Variants in PACRG observed in about 807,000 individuals in gnomAD.
PACRG encodes parkin coregulated gene protein.
Under a neutral mutation model 29.7 loss-of-function variants are expected in PACRG, and 29 were observed. That is an observed-to-expected ratio of 0.98 (90% CI 0.73 to 1.33). PACRG has a LOEUF of 1.33. Ranked by LOEUF, PACRG falls within the 40% of genes most tolerant of loss-of-function variation. PACRG has a pLI of 0.00. For missense variants in PACRG, 279 were observed against 316.2 expected (o/e 0.88, Z 0.89); for synonymous variants, 116 against 118.7 (o/e 0.98, Z 0.15).
intron 4 of PACRG, among the ~76,000 whole-genome samples, chr6:163,257,214 G>A (rs1783147208): frequency 6.6e-6 from 1 of 152,014 alleles, no homozygotes; most frequent in South Asian, 2.1e-4. Flanking sequence ...CGCATCTTTT[G>A]GGGAGACACA....
At position 163,218,495 on chromosome 6, in the gene PACRG, A is replaced by G. The variant is rs79478549; in HGVS notation, c.614-96332A>G. Among the ~76,000 whole-genome samples the G allele has an allele frequency of 4.2e-3, 646 of 152,184 alleles. 1 individual carries two copies. Among genetic ancestry groups the G allele is most frequent in the Non-Finnish European group, 7.3e-3 (497 of 67,996 alleles). On this transcript the variant is annotated intron_variant, in intron 4 of 4. Coordinates refer to ENST00000366888, the MANE Select transcript of PACRG (RefSeq NM_001080379.2). Reference sequence around the variant, plus strand: ...GAGTGCTTTCCATGGCCACGTCCTCAACACTGACCCCGTCCCCTCTGCAAC... The same window carrying G: ...GAGTGCTTTCCATGGCCACGTCCTCGACACTGACCCCGTCCCCTCTGCAAC...
intron 2 of PACRG, among the ~76,000 whole-genome samples, chr6:162,828,529 AG>A (rs1788473894): frequency 6.6e-6 from 1 of 152,202 alleles, no homozygotes; most frequent in Admixed American, 6.5e-5. Context: ...CGAAATTCTC[AG>A]GGCTCATGGA....
At chr6:163,215,918 A>ACTG (rs1293130397) in intron 4 of PACRG, among the ~76,000 whole-genome samples, 1 of 152,178 alleles carries the variant, frequency 6.6e-6, no homozygotes, top group African/African-American at 2.4e-5. Flanking sequence ...AGCAAAAGCG[A>ACTG]TTTCCAGGAA....
intron 3 of PACRG, among the ~76,000 whole-genome samples, chr6:163,072,041 CAA>C (rs34278585): frequency 2.7e-5 from 4 of 150,098 alleles, no homozygotes; most frequent in Non-Finnish European, 4.5e-5. Flanking sequence ...AAACTATTCC[CAA>C]AAAAAAAATA....
chr6:162,970,544 C>T (rs1021173037), intron 2 of PACRG, among the ~76,000 whole-genome samples: 1 of 152,162 alleles, frequency 6.6e-6, no homozygotes, highest in African/African-American at 2.4e-5. Context: ...TCTCTTCCCC[C>T]ACCCACTTTC....
chr6:163,149,356 C>G (rs1437214720), intron 4 of PACRG, among the ~76,000 whole-genome samples: 1 of 152,180 alleles, frequency 6.6e-6, no homozygotes, highest in Non-Finnish European at 1.5e-5. Context: ...GCCCGTCTGC[C>G]CTCCTCGCTC....
chr6:163,132,590 C>A (rs900513679), intron 4 of PACRG, among the ~76,000 whole-genome samples: 1 of 152,144 alleles, frequency 6.6e-6, no homozygotes, highest in African/African-American at 2.4e-5. Context: ...CTGCTTAGAG[C>A]AGAAACACAG....
chr6:162,996,523 A>T (rs541588478), intron 2 of PACRG, among the ~76,000 whole-genome samples: 2 of 152,318 alleles, frequency 1.3e-5, no homozygotes, highest in East Asian at 3.9e-4. Flanking sequence ...ACTGAGAAAA[A>T]TGAAACATTC....
intron 1 of PACRG, among the ~76,000 whole-genome samples, chr6:162,787,277 C>A (rs896829848): frequency 1.3e-5 from 2 of 151,896 alleles, no homozygotes; most frequent in Admixed American, 6.6e-5. Flanking sequence ...AACAATGAGC[C>A]TTTTATGCTT....
In PACRG at chr6:163,062,305, C is replaced by T. The variant is rs1811162690; in HGVS notation, c.447C>T (p.Leu149=). ...GNKILPVLPQ[L]IIPIKNALNL... is the part of the protein sequence containing the mutation. ...AGATCCTACCTGTCCTTCCACAGCT[C>T]ATTATCCCGATAAAAAGTAAGTGAA... Residue 149 remains leucine, a synonymous_variant, in exon 3 of 5, where the codon CTC becomes CTT. Transcript: ENST00000366888. 6.2e-7 allele frequency: 1 copy of T among 1,610,264 alleles called. No homozygotes were observed. Among genetic ancestry groups the T allele is most frequent in the Non-Finnish European group, 8.5e-7 (1 of 1,178,942 alleles).
intron 1 of PACRG, among the ~76,000 whole-genome samples, chr6:162,750,995 A>T (rs1781470613): frequency 6.6e-6 from 1 of 152,128 alleles, no homozygotes; most frequent in African/African-American, 2.4e-5. Flanking sequence ...ATGTTTGTCT[A>T]ATGACTTCAT....
chr6:162,808,513 C>A (rs1786555179), intron 1 of PACRG, among the ~76,000 whole-genome samples: 1 of 152,170 alleles, frequency 6.6e-6, no homozygotes, highest in South Asian at 2.1e-4. Context: ...ACTTCAAGAG[C>A]CTTACATTCC....
chr6:163,267,547 A>G (rs1330158439), intron 4 of PACRG, among the ~76,000 whole-genome samples: 2 of 152,234 alleles, frequency 1.3e-5, no homozygotes, highest in East Asian at 1.9e-4. Context: ...AAAAAGTACC[A>G]TTTGTTTCTT....
At chr6:163,045,532 C>A (rs1377016373) in intron 2 of PACRG, among the ~76,000 whole-genome samples, 1 of 151,534 alleles carries the variant, frequency 6.6e-6, no homozygotes, top group African/African-American at 2.4e-5. Context: ...ACCATGTTAG[C>A]CAGGATGGTC....
intron 2 of PACRG, among the ~76,000 whole-genome samples, chr6:162,886,869 C>T (rs7767344): frequency 0.5 from 75,893 of 151,938 alleles, 21,514 homozygotes; most frequent in African/African-American, 0.79. Flanking sequence ...AGAAAAGAGA[C>T]GTTATCCATA....
chr6:162,749,201 T>C (rs1300941609), intron 1 of PACRG, among the ~76,000 whole-genome samples: 1 of 152,228 alleles, frequency 6.6e-6, no homozygotes, highest in African/African-American at 2.4e-5. Context: ...AGTGCATGAT[T>C]GTTAAAAACA....
At chr6:163,063,199 C>T (rs916833042) in intron 3 of PACRG, among the ~76,000 whole-genome samples, 3 of 152,196 alleles carry the variant, frequency 2.0e-5, no homozygotes, top group Admixed American at 6.5e-5. Context: ...AGTGCCTCCT[C>T]TGAACACTCA....
chr6:162,997,523 A>G (rs1804180717), intron 2 of PACRG: 2 of 424,970 alleles, frequency 4.7e-6, no homozygotes, highest in African/African-American at 4.1e-5. Flanking sequence ...AATGCTGGAA[A>G]TTGGAAAAAT....
chr6:163,028,624 AT>A (rs1807364834), intron 2 of PACRG, among the ~76,000 whole-genome samples: 1 of 152,246 alleles, frequency 6.6e-6, no homozygotes. Flanking sequence ...AAATATTTAA[AT>A]ATTCGTTTTT....
Sources: gnomAD v4.1 joint callset for allele counts (sites outside exome capture counted in the v4.1 genomes callset) on GRCh38, gnomAD v4.1.1 for gene constraint, MANE v1.5 for transcripts, NCBI Gene and HGNC (gene_info 2026-07-23, HGNC 2026-07-21) for gene names.